Variants in GAS7 observed in about 807,000 individuals in gnomAD.
The protein encoded by GAS7 is growth arrest specific 7.
In GAS7, 28 loss-of-function variants were observed where a neutral mutation model predicts 71.1. That is an observed-to-expected ratio of 0.39 (90% CI 0.29 to 0.54). The LOEUF is 0.54. GAS7 is among the 20% of genes least tolerant of loss of function. GAS7 has a pLI of 0.62. For synonymous variants in GAS7, 258 were observed against 245.8 expected, an observed-to-expected ratio of 1.05 and a Z score of -0.46; for missense variants, 436 against 627.8, an observed-to-expected ratio of 0.69 and a Z score of 3.27.
chr17:10,080,283 T>C (rs1479956385), intron 1 of GAS7, among the ~76,000 whole-genome samples: 1 of 152,168 alleles, frequency 6.6e-6, no homozygotes, highest in African/African-American at 2.4e-5. Flanking sequence ...TGCCAGGAAG[T>C]TACCCTATAT....
In GAS7 at chr17:10,085,327, A is replaced by G. The variant is rs1169717039; in HGVS notation, c.184-65430T>C. Among the ~76,000 whole-genome samples, 4 of 152,106 alleles carry G rather than the reference A, an allele frequency of 2.6e-5. No homozygotes were observed. In the East Asian group the frequency reaches 7.7e-4, roughly 29 times the overall value. On this transcript the variant is annotated intron_variant, in intron 1 of 13. Coordinates refer to ENST00000432992, the MANE Select transcript of GAS7 (RefSeq NM_201433.2). The stretch of plus-strand genomic sequence containing the variant: ...CTTGGGAGTGTCAGCCACGAAGCCA[A>G]CTTCTCAGGATCTCGATTTCCCCAC...
At chr17:9,984,499 G>T (rs889671822) in intron 2 of GAS7, among the ~76,000 whole-genome samples, 5 of 152,218 alleles carry the variant, frequency 3.3e-5, no homozygotes, top group South Asian at 4.1e-4. Flanking sequence ...TTTATGAGGA[G>T]TGACAAGGAG....
At chr17:9,938,886 T>C (rs2068496752) in intron 8 of GAS7, among the ~76,000 whole-genome samples, 1 of 152,248 alleles carries the variant, frequency 6.6e-6, no homozygotes. Flanking sequence ...AGACCTTTTG[T>C]GCCTGGCTTC....
At chr17:10,065,870 A>T (rs2073276069) in intron 1 of GAS7, among the ~76,000 whole-genome samples, 1 of 152,132 alleles carries the variant, frequency 6.6e-6, no homozygotes, top group Non-Finnish European at 1.5e-5. Flanking sequence ...CAGTCACATA[A>T]CACTGGAAGA....
chr17:9,922,197 G>C (rs1361895776), intron 11 of GAS7, among the ~76,000 whole-genome samples: 1 of 61,024 alleles, frequency 1.6e-5, no homozygotes, highest in Non-Finnish European at 4.4e-5. Flanking sequence ...TGGTGATGAA[G>C]ATGATGATGA....
chr17:10,094,687 C>G (rs1300329015), intron 1 of GAS7, among the ~76,000 whole-genome samples: 8 of 152,056 alleles, frequency 5.3e-5, no homozygotes. Flanking sequence ...CCAGGATAGT[C>G]TCGATCTCCT....
intron 2 of GAS7, among the ~76,000 whole-genome samples, chr17:9,991,285 T>C (rs534727579): frequency 6.6e-6 from 1 of 152,214 alleles, no homozygotes; most frequent in Admixed American, 6.5e-5. Context: ...TCTTTAGCAT[T>C]GCTGCAGTGT....
intron 1 of GAS7, among the ~76,000 whole-genome samples, chr17:10,152,753 C>T (rs747987874): frequency 1.3e-5 from 2 of 152,122 alleles, no homozygotes; most frequent in Non-Finnish European, 2.9e-5. Context: ...CGCTTAGGTG[C>T]CTCCTCCCAA....
intron 1 of GAS7, among the ~76,000 whole-genome samples, chr17:10,153,544 A>G (rs1258760032): frequency 6.6e-6 from 1 of 151,688 alleles, no homozygotes; most frequent in African/African-American, 2.4e-5. Context: ...AAAGAAATCA[A>G]TGAGAAACCT....
intron 2 of GAS7, among the ~76,000 whole-genome samples, chr17:9,988,549 T>C (rs959554640): frequency 6.6e-6 from 1 of 152,210 alleles, no homozygotes; most frequent in African/African-American, 2.4e-5. Flanking sequence ...CAGCCATTGC[T>C]ACAAGACATT....
At chr17:9,970,688 C>T (rs766673672) in intron 3 of GAS7, among the ~76,000 whole-genome samples, 2 of 152,038 alleles carry the variant, frequency 1.3e-5, no homozygotes, top group African/African-American at 2.4e-5. Flanking sequence ...TAAAATTCTA[C>T]CCTTATAACT....
intron 8 of GAS7, among the ~76,000 whole-genome samples, chr17:9,937,230 T>G (rs2068432968): frequency 6.6e-6 from 1 of 152,218 alleles, no homozygotes; most frequent in African/African-American, 2.4e-5. Flanking sequence ...TGTGTTTGTC[T>G]CTGTGTTTGT....
rs560776213 is a variant in GAS7, at chr17:10,111,274, C to T, written c.183+86934G>A. 1.5e-3 allele frequency among the ~76,000 whole-genome samples: 221 copies of T among 143,422 alleles called. 1 individual carries two copies. Among genetic ancestry groups the T allele is most frequent in the African/African-American group, 5.3e-3 (203 of 38,026 alleles). The allele number at this position is 143,422 out of a possible 152,430, so 94.1% of individuals were successfully genotyped here. A position where few individuals can be genotyped will look rare whatever the true frequency, so the allele number is the denominator to read the frequency against. On this transcript the variant is annotated intron_variant, in intron 1 of 13. Transcript: ENST00000432992. ...AAATGGCCAGGCGCAATGGCTCACG[C>T]CTGTAATCCCACAACTTTGGGAGGC...
chr17:10,130,475 CCCA>C lies in GAS7; in HGVS notation c.183+67730_183+67732del, dbSNP rs372887405. ...AAGGTTAAACATACTTACCACGTGA[CCCA>C]GCAATTCCACCCCTGGATATACATC... On this transcript the variant is annotated intron_variant, in intron 1 of 13. Transcript: ENST00000432992. Among the ~76,000 whole-genome samples the C allele has an allele frequency of 4.9e-3, 739 of 152,216 alleles. 7 individuals are homozygous for C. The highest frequency in any genetic ancestry group is 0.016 in the African/African-American group (665 of 41,516).
At chr17:10,111,176 G>C (rs1268556391) in intron 1 of GAS7, among the ~76,000 whole-genome samples, 1 of 152,058 alleles carries the variant, frequency 6.6e-6, no homozygotes, top group Admixed American at 6.6e-5. Flanking sequence ...TGAGATGGGA[G>C]GATCCTTTGA....
chr17:9,983,424 G>A (rs745724924), intron 2 of GAS7, among the ~76,000 whole-genome samples: 1 of 152,124 alleles, frequency 6.6e-6, no homozygotes, highest in Non-Finnish European at 1.5e-5. Flanking sequence ...CTGGGAAGTC[G>A]AGGCTGCAGT....
At chr17:10,138,229 T>C (rs568152165) in intron 1 of GAS7, among the ~76,000 whole-genome samples, 2 of 152,114 alleles carry the variant, frequency 1.3e-5, no homozygotes, top group Admixed American at 6.5e-5. Flanking sequence ...CCTCCCAAAG[T>C]GCTGGGATTA....
chr17:9,942,029 G>C (rs928060353), intron 7 of GAS7, among the ~76,000 whole-genome samples: 2 of 152,172 alleles, frequency 1.3e-5, no homozygotes, highest in African/African-American at 4.8e-5. Context: ...GAGGCGGGCA[G>C]ATTACCTGAG....
intron 1 of GAS7, among the ~76,000 whole-genome samples, chr17:10,044,472 A>G (rs1014050095): frequency 1.3e-5 from 2 of 152,210 alleles, no homozygotes; most frequent in Admixed American, 6.5e-5. Flanking sequence ...GGTGCCATAC[A>G]CAGTCTGAGT....
Sources: allele counts gnomAD v4.1 joint callset (sites outside exome capture counted in the v4.1 genomes callset), GRCh38; gene constraint gnomAD v4.1.1; transcripts MANE v1.5; gene names NCBI Gene and HGNC (gene_info 2026-07-23, HGNC 2026-07-21).